TENM4: variants seen among roughly 807,000 people sequenced by gnomAD.
The protein encoded by TENM4 is teneurin-4.
TENM4 carries 82 observed loss-of-function variants against 243.3 expected under a neutral mutation model. The observed-to-expected ratio is 0.34, with a 90% confidence interval of 0.28 to 0.40. The LOEUF (loss-of-function observed/expected upper bound fraction) is 0.40, where lower values mean the gene tolerates loss of function less well. TENM4 is among the 10% of genes least tolerant of loss of function. The pLI is 1.00. For synonymous variants in TENM4, 1,412 were observed against 1,456.3 expected, an observed-to-expected ratio of 0.97 and a Z score of 0.69; for missense variants, 3,138 against 3,673.3, an observed-to-expected ratio of 0.85 and a Z score of 3.77.
At chr11:78,985,743 T>G (rs1366785070) in intron 6 of TENM4, among the ~76,000 whole-genome samples, 1 of 152,242 alleles carries the variant, frequency 6.6e-6, no homozygotes, top group African/African-American at 2.4e-5. Context: ...TTTAAATTTT[T>G]TTTTTATTGC....
At chr11:78,971,462 C>A (rs1319620432) in intron 6 of TENM4, among the ~76,000 whole-genome samples, 1 of 152,002 alleles carries the variant, frequency 6.6e-6, no homozygotes, top group Non-Finnish European at 1.5e-5. Context: ...GCCACCATGC[C>A]TAGCTAATTT....
intron 1 of TENM4, among the ~76,000 whole-genome samples, chr11:79,418,462 G>A (rs191695214): frequency 3.9e-5 from 6 of 152,332 alleles, no homozygotes; most frequent in Admixed American, 3.3e-4. Context: ...AGCCAATCAT[G>A]TGGCTTACAA....
At chr11:79,184,567 G>A (rs1243159548) in intron 3 of TENM4, among the ~76,000 whole-genome samples, 2 of 148,636 alleles carry the variant, frequency 1.3e-5, no homozygotes, top group Non-Finnish European at 3.0e-5. Context: ...GTTAGGGGGG[G>A]TGGGAACTCC....
intron 1 of TENM4, among the ~76,000 whole-genome samples, chr11:79,332,332 AGGCC>A (rs1459066372): frequency 3.8e-4 from 58 of 152,196 alleles, no homozygotes; most frequent in Non-Finnish European, 1.6e-4. Context: ...TGAAAGACTA[AGGCC>A]ACAAACCAAA....
chr11:79,090,246 G>A (rs7127492), intron 4 of TENM4, among the ~76,000 whole-genome samples: 51,964 of 152,126 alleles, frequency 0.34, 9,479 homozygotes, highest in Non-Finnish European at 0.4. Flanking sequence ...CTATGAATCT[G>A]CAGGAGCAAT....
chr11:79,317,533 T>C (rs1355723820), intron 1 of TENM4, among the ~76,000 whole-genome samples: 1 of 152,170 alleles, frequency 6.6e-6, no homozygotes, highest in Non-Finnish European at 1.5e-5. Flanking sequence ...CCTGGACTTT[T>C]ATATCTTTAT....
intron 6 of TENM4, among the ~76,000 whole-genome samples, chr11:78,926,350 C>T (rs1856550822): frequency 6.7e-6 from 1 of 149,578 alleles, no homozygotes; most frequent in Admixed American, 6.7e-5. Context: ...GATCTCGGCT[C>T]ACTGTCTCTG....
intron 2 of TENM4, among the ~76,000 whole-genome samples, chr11:79,259,655 A>T (rs1855761045): frequency 8.1e-6 from 1 of 123,432 alleles, no homozygotes; most frequent in African/African-American, 3.4e-5. Flanking sequence ...CCATCCATCC[A>T]TCTATCCATC....
At chr11:78,926,054 T>C (rs969540360) in intron 6 of TENM4, among the ~76,000 whole-genome samples, 7 of 152,116 alleles carry the variant, frequency 4.6e-5, no homozygotes, top group African/African-American at 1.7e-4. Context: ...GATAGAGTTC[T>C]ATCGGGGAGG....
At chr11:79,307,261 C>A (rs506302) in intron 1 of TENM4, among the ~76,000 whole-genome samples, 84,693 of 151,830 alleles carry the variant, frequency 0.56, 24,912 homozygotes, top group East Asian at 0.77. Context: ...CTTGGGCCCA[C>A]CTGTTCACCT....
intron 19 of TENM4, among the ~76,000 whole-genome samples, chr11:78,746,854 A>G (rs1296342348): frequency 6.6e-6 from 1 of 152,236 alleles, no homozygotes; most frequent in Non-Finnish European, 1.5e-5. Flanking sequence ...TTAGAAAAAT[A>G]CAAGGCAGCT....
At chr11:79,201,942 C>G (rs768888860) in intron 3 of TENM4, among the ~76,000 whole-genome samples, 16 of 152,136 alleles carry the variant, frequency 1.1e-4, no homozygotes, top group Non-Finnish European at 2.2e-4. Context: ...ATGGAGGGAA[C>G]TTGATGCATT....
intron 6 of TENM4, among the ~76,000 whole-genome samples, chr11:79,045,265 C>T (rs915432474): frequency 2.0e-5 from 3 of 152,064 alleles, no homozygotes; most frequent in African/African-American, 2.4e-5. Context: ...GGTAGATGCA[C>T]GGTCACAGCT....
intron 27 of TENM4, among the ~76,000 whole-genome samples, chr11:78,704,428 C>T (rs945872873): frequency 5.3e-5 from 8 of 151,780 alleles, no homozygotes; most frequent in Non-Finnish European, 8.8e-5. Flanking sequence ...ATGACAAAGA[C>T]CGAGAACCAA....
chr11:79,284,776 G>A (rs1366147226), intron 2 of TENM4, among the ~76,000 whole-genome samples: 1 of 151,582 alleles, frequency 6.6e-6, no homozygotes, highest in East Asian at 1.9e-4. Context: ...TCACAGAATG[G>A]GAAAAAAATT....
At chr11:79,052,250 G>A (rs1434593886) in intron 6 of TENM4, among the ~76,000 whole-genome samples, 1 of 152,202 alleles carries the variant, frequency 6.6e-6, no homozygotes, top group African/African-American at 2.4e-5. Flanking sequence ...CAGTGCAAAA[G>A]CATTCCTTTT....
intron 16 of TENM4, among the ~76,000 whole-genome samples, chr11:78,786,272 G>A (rs182547715): frequency 6.6e-6 from 1 of 152,224 alleles, no homozygotes; most frequent in Non-Finnish European, 1.5e-5. Flanking sequence ...GAGGACGGGG[G>A]AAGATCCCAG....
At position 79,299,882 on chromosome 11, in the gene TENM4, G is replaced by A. The variant is rs761233215; in HGVS notation, c.-320-2339C>T. 5.9e-5 allele frequency among the ~76,000 whole-genome samples: 9 copies of A among 152,208 alleles called. No individual in the cohort carries two copies. The East Asian group carries it at 9.6e-4, about 16-fold the overall frequency. ...GGCATGAATTTTTTATGACCAGAGA[G>A]CAAACAGGTTGAATGTCCCATAGAA... On this transcript the variant is annotated intron_variant, in intron 1 of 33. Coordinates refer to ENST00000278550, the MANE Select transcript of TENM4 (RefSeq NM_001098816.3).
intron 19 of TENM4, among the ~76,000 whole-genome samples, chr11:78,739,446 C>T (rs191693302): frequency 2.6e-5 from 4 of 152,248 alleles, no homozygotes; most frequent in Non-Finnish European, 5.9e-5. Context: ...CACCTTGATA[C>T]TCTACCAAAC....
Sources: allele counts gnomAD v4.1 joint callset (sites outside exome capture counted in the v4.1 genomes callset), GRCh38; gene constraint gnomAD v4.1.1; transcripts MANE v1.5; gene names NCBI Gene and HGNC (gene_info 2026-07-23, HGNC 2026-07-21).